The following ITGB2 variants were observed in gnomAD, a reference collection of about 807,000 sequenced individuals.
The protein encoded by ITGB2 is integrin subunit beta 2, also known as integrin beta-2.
A neutral mutation model predicts 86.8 loss-of-function variants in ITGB2; 56 were observed. The ratio of observed to expected loss-of-function variants is 0.65; its 90% CI spans 0.52 to 0.81. ITGB2 has a LOEUF of 0.81. ITGB2 is among the 30% of genes least tolerant of loss of function. The probability of loss-of-function intolerance (pLI) is 0.00; values close to 1 mark genes in which losing one functional copy is unlikely to be tolerated. For synonymous variants in ITGB2, 457 were observed against 450.4 expected (o/e 1.01, Z -0.19); for missense variants, 948 against 1,061.2 (o/e 0.89, Z 1.48).
chr21:44,911,929 C>T (rs1210160958), intron 1 of ITGB2, among the ~76,000 whole-genome samples: 1 of 152,118 alleles, frequency 6.6e-6, no homozygotes, highest in African/African-American at 2.4e-5. Flanking sequence ...GGGGTGGGCC[C>T]CTGGGTCTGA....
intron 14 of ITGB2, among the ~76,000 whole-genome samples, chr21:44,888,078 T>C (rs1483102143): frequency 2.6e-5 from 4 of 151,860 alleles, no homozygotes; most frequent in Admixed American, 2.6e-4. Context: ...CAACTGGAGC[T>C]GAATGAGACA....
chr21:44,886,956 G>A (rs543839372), intron 14 of ITGB2, 54 bp from the exon 15 acceptor site: 25 of 1,602,104 alleles, frequency 1.6e-5, no homozygotes, highest in Admixed American at 3.3e-5. Context: ...TCACTGAGCC[G>A]TGTGCCCACA....
intron 1 of ITGB2, chr21:44,911,160 C>T (rs2084125871): frequency 5.2e-6 from 2 of 381,604 alleles, no homozygotes; most frequent in African/African-American, 4.1e-5. Context: ...CATGCACACA[C>T]CACACATATA....
chr21:44,894,788 G>A (rs190284748), intron 9 of ITGB2, 183 bp downstream of exon 9: 106 of 657,794 alleles, frequency 1.6e-4, no homozygotes, highest in African/African-American at 1.6e-3. Context: ...AGAGCTCCCC[G>A]TGGAAGTGCC....
chr21:44,917,543 C>T (rs1308859695), intron 1 of ITGB2, among the ~76,000 whole-genome samples: 3 of 152,208 alleles, frequency 2.0e-5, no homozygotes, highest in African/African-American at 7.2e-5. Flanking sequence ...GATGAGGACG[C>T]TGCTTCATGG....
In ITGB2 at chr21:44,888,891, A is replaced by T; in HGVS notation, c.1882T>A (p.Cys628Ser). 6 of 1,603,876 alleles carry T rather than the reference A, an allele frequency of 3.7e-6. No homozygotes were observed. Among genetic ancestry groups the T allele is most frequent in the Non-Finnish European group, 5.1e-6 (6 of 1,179,724 alleles). ...CPSPCGKYIS[C>S]AECLKFEKGP... is the part of the protein sequence containing the mutation. ...TTTTCGAACTTCAGGCACTCGGCGCAGGAGCTGCGGGGAGCCAGGTGTGAG... is the reference window on the plus strand; with the variant it reads ...TTTTCGAACTTCAGGCACTCGGCGCTGGAGCTGCGGGGAGCCAGGTGTGAG... The change falls in exon 14 of 16, where the codon TGC becomes AGC. Residue 628 changes from cysteine to serine, a missense_variant. Coordinates refer to ENST00000652462, the MANE Select transcript of ITGB2 (RefSeq NM_000211.5).
intron 13 of ITGB2, 160 bp downstream of exon 13, chr21:44,889,116 G>C (rs996696686): frequency 2.2e-4 from 96 of 430,046 alleles, no homozygotes; most frequent in Non-Finnish European, 3.5e-4. Flanking sequence ...GAGGGACACA[G>C]GGGCACGGCG....
chr21:44,919,182 C>A (rs566424397), intron 1 of ITGB2, among the ~76,000 whole-genome samples: 2 of 152,318 alleles, frequency 1.3e-5, no homozygotes. Context: ...GGGGTCCTGG[C>A]CATGTGGGAC....
rs766987781 is a variant in ITGB2 at position 44,910,301 on chromosome 21, T to G, written c.130A>C (p.Thr44Pro). ...RECIESGPGC[T>P]WCQKLNFTGP... ...GCACTTACCAGCTTCTGGCACCAGG[T>G]GCAGCCGGGCCCCGACTCGATGCAT... Residue 44 changes from threonine to proline, a missense_variant, in exon 3 of 16, where the codon ACC becomes CCC. By Grantham distance (38) the Thr-to-Pro change is conservative. Transcript: ENST00000652462. 4 of 1,614,018 alleles carry G rather than the reference T, an allele frequency of 2.5e-6. No individual in the cohort carries two copies. The highest frequency in any genetic ancestry group is 1.7e-6 in the Non-Finnish European group (2 of 1,179,990).
At chr21:44,919,073 G>A (rs1267493918) in intron 1 of ITGB2, among the ~76,000 whole-genome samples, 2 of 78,130 alleles carry the variant, frequency 2.6e-5, no homozygotes, top group African/African-American at 1.5e-4. Context: ...AAACTCATAC[G>A]CTGAGCGGCA....
At chr21:44,904,416 A>G (rs983249305) in intron 4 of ITGB2, among the ~76,000 whole-genome samples, 1 of 151,902 alleles carries the variant, frequency 6.6e-6, no homozygotes, top group Non-Finnish European at 1.5e-5. Context: ...TAACTCATGC[A>G]CACACAGTCA....
intron 1 of ITGB2, among the ~76,000 whole-genome samples, chr21:44,915,578 G>A (rs2084197234): frequency 6.6e-6 from 1 of 152,200 alleles, no homozygotes; most frequent in South Asian, 2.1e-4. Flanking sequence ...GGGAACTGAA[G>A]GCTCAAGGGA....
rs1601281049 is a variant in ITGB2, at chr21:44,888,865, C to G, written c.1908G>C (p.Lys636Asn). The G allele has an allele frequency of 6.2e-7, 1 of 1,608,098 alleles. No individual in the cohort carries two copies. The highest frequency in any genetic ancestry group is 8.5e-7 in the Non-Finnish European group (1 of 1,179,920). The change falls in exon 14 of 16, where the codon AAG (lysine) becomes AAC (asparagine). Residue 636 changes from lysine to asparagine, a missense_variant. Physicochemically the swap from Lys to Asn is moderately conservative, Grantham distance 94 (BLOSUM62 0). Coordinates refer to ENST00000652462, the MANE Select transcript of ITGB2 (RefSeq NM_000211.5). ...ISCAECLKFE[K>N]GPFGKNCSAA... ...CGCTGCAGTTCTTCCCAAAGGGGCCCTTTTCGAACTTCAGGCACTCGGCGC... is the reference window on the plus strand; with the variant it reads ...CGCTGCAGTTCTTCCCAAAGGGGCCGTTTTCGAACTTCAGGCACTCGGCGC...
At chr21:44,886,520 G>T in intron 15 of ITGB2, 90 bp from the exon 16 acceptor site, 1 of 1,474,424 alleles carries the variant, frequency 6.8e-7, no homozygotes, top group Non-Finnish European at 9.5e-7. Context: ...CATGGAAGCC[G>T]TCACTTTGAG....
chr21:44,889,835 C>G (rs1226479123), intron 12 of ITGB2, 143 bp downstream of exon 12: 1 of 1,250,712 alleles, frequency 8.0e-7, no homozygotes, highest in East Asian at 2.4e-5. Context: ...CCTGCTGACG[C>G]CCGGTGGCTG....
At chr21:44,897,483 C>T (rs1375333622) in intron 8 of ITGB2, among the ~76,000 whole-genome samples, 2 of 152,186 alleles carry the variant, frequency 1.3e-5, no homozygotes, top group Non-Finnish European at 2.9e-5. Flanking sequence ...CGGTCACTGT[C>T]CGGATGAGGA....
chr21:44,910,688 C>A, intron 2 of ITGB2, 37 bp downstream of exon 2: 1 of 1,606,362 alleles, frequency 6.2e-7, no homozygotes, highest in South Asian at 1.1e-5. Flanking sequence ...ATTGGAATGT[C>A]ACGCGTGGAG....
At chr21:44,908,447 T>G (rs1316660734) in intron 3 of ITGB2, among the ~76,000 whole-genome samples, 2 of 152,148 alleles carry the variant, frequency 1.3e-5, no homozygotes, top group Non-Finnish European at 2.9e-5. Context: ...ACTACTGGTG[T>G]TATCTGTAAA....
chr21:44,889,432 T>C lies in ITGB2; in HGVS notation c.1721A>G (p.Gln574Arg). 3 of 1,609,202 alleles carry C rather than the reference T, an allele frequency of 1.9e-6. No individual in the cohort carries two copies. The highest frequency in any genetic ancestry group is 2.5e-6 in the Non-Finnish European group (3 of 1,178,246). The change falls in exon 13 of 16, where the codon CAG becomes CGG. Residue 574 changes from glutamine to arginine, a missense_variant. By Grantham distance (43) the Gln-to-Arg change is conservative. Transcript: ENST00000652462. ...CHPGFEGSACQCERTTEGCLN... is the reference protein window; with the variant it reads ...CHPGFEGSACRCERTTEGCLN... ...GCAGCCCTCAGTGGTCCTCTCGCAC[T>C]GGCACGCTGAGCCCTCAAAGCCCGG...
Sources: gnomAD v4.1 joint callset for allele counts (sites outside exome capture counted in the v4.1 genomes callset) on GRCh38, gnomAD v4.1.1 for gene constraint, MANE v1.5 for transcripts, NCBI Gene and HGNC (gene_info 2026-07-23, HGNC 2026-07-21) for gene names.